The following SLC35F3 variants were observed in gnomAD, a reference collection of about 807,000 sequenced individuals.
SLC35F3 encodes putative thiamine transporter SLC35F3.
In SLC35F3, 25 loss-of-function variants were observed where a neutral mutation model predicts 49.9. The ratio of observed to expected loss-of-function variants is 0.50; its 90% CI spans 0.37 to 0.70. The LOEUF (loss-of-function observed/expected upper bound fraction) is 0.70. Ranked by LOEUF, SLC35F3 falls within the 30% of genes least tolerant of loss-of-function variation. SLC35F3 has a pLI of 0.00. For synonymous variants in SLC35F3, 275 were observed against 265.4 expected (o/e 1.04, Z -0.35); for missense variants, 525 against 639.8 (o/e 0.82, Z 1.94).
chr1:234,272,746 C>G (rs1668127961), intron 3 of SLC35F3, among the ~76,000 whole-genome samples: 1 of 152,208 alleles, frequency 6.6e-6, no homozygotes, highest in African/African-American at 2.4e-5. Flanking sequence ...AGTGACCACT[C>G]CCATATAGAC....
chr1:234,305,383 CTTTTT>C (rs60208203), intron 3 of SLC35F3, among the ~76,000 whole-genome samples: 15 of 124,260 alleles, frequency 1.2e-4, no homozygotes, highest in Non-Finnish European at 1.2e-4. Context: ...AGCAGTATTG[CTTTTT>C]TTTTTTTTTT....
intron 2 of SLC35F3, among the ~76,000 whole-genome samples, chr1:234,088,017 A>G (rs755749433): frequency 2.3e-4 from 35 of 152,064 alleles, no homozygotes; most frequent in Non-Finnish European, 5.9e-5. Flanking sequence ...ATATTCTTCT[A>G]TATTTACTTC....
rs112406043 is a variant in SLC35F3, at chr1:234,028,541, A to G, written c.283+122783A>G. Among the ~76,000 whole-genome samples the G allele has an allele frequency of 6.0e-3, 917 of 152,294 alleles. 9 individuals carry two copies. Among genetic ancestry groups the G allele is most frequent in the African/African-American group, 0.021 (869 of 41,558 alleles). On this transcript the variant is annotated intron_variant, in intron 2 of 7. Coordinates refer to ENST00000366618, the MANE Select transcript of SLC35F3 (RefSeq NM_173508.4). Reference sequence around the variant, plus strand: ...TGCTGTCCTGGTGTTCTGTGGAGGTAGGCTGGAGACTGGGGCAAGCATAGC... The same window carrying G: ...TGCTGTCCTGGTGTTCTGTGGAGGTGGGCTGGAGACTGGGGCAAGCATAGC...
chr1:233,919,841 T>A (rs1440267493), intron 2 of SLC35F3, among the ~76,000 whole-genome samples: 1 of 152,126 alleles, frequency 6.6e-6, no homozygotes, highest in African/African-American at 2.4e-5. Context: ...TGGAGGAAGT[T>A]GCTGTATCAC....
At position 234,318,757 on chromosome 1, in the gene SLC35F3, T is replaced by G. The variant is rs753406935; in HGVS notation, c.961T>G (p.Phe321Val). The change falls in exon 6 of 8, where the codon TTC becomes GTC. Residue 321 changes from phenylalanine to valine, a missense_variant. By Grantham distance (50) the Phe-to-Val change is conservative (BLOSUM62 -1). Transcript: ENST00000366618. ...CCTCTGCTTTCTCCTACAGGTTTTG[T>G]TCAAGCTCCTCCTGGGCAGTGCTAA... Reference protein sequence around the residue: ...ASMSALYKVLFKLLLGSAKFG... With the variant: ...ASMSALYKVLVKLLLGSAKFG... The G allele has an allele frequency of 1.2e-6, 2 of 1,613,720 alleles. No homozygotes were observed. Among genetic ancestry groups the G allele is most frequent in the Non-Finnish European group, 1.7e-6 (2 of 1,179,812 alleles).
intron 2 of SLC35F3, among the ~76,000 whole-genome samples, chr1:233,949,980 A>G (rs1558186993): frequency 6.6e-6 from 1 of 152,122 alleles, no homozygotes; most frequent in Non-Finnish European, 1.5e-5. Flanking sequence ...CTGGTGGGGA[A>G]CAGCCTATTT....
intron 2 of SLC35F3, among the ~76,000 whole-genome samples, chr1:233,918,774 CTCTT>C (rs1662011312): frequency 7.9e-6 from 1 of 125,986 alleles, no homozygotes; most frequent in African/African-American, 2.7e-5. Context: ...CTCTCTCTCT[CTCTT>C]TCTCTCTCTC....
At chr1:234,187,497 A>T (rs544729848) in intron 2 of SLC35F3, among the ~76,000 whole-genome samples, 30 of 152,348 alleles carry the variant, frequency 2.0e-4, no homozygotes, top group African/African-American at 7.2e-4. Context: ...TACTGCAGGA[A>T]TATACCAGGA....
At chr1:233,971,704 C>A (rs1227688735) in intron 2 of SLC35F3, among the ~76,000 whole-genome samples, 1 of 129,438 alleles carries the variant, frequency 7.7e-6, no homozygotes, top group African/African-American at 3.1e-5. Context: ...GGTGACAGAG[C>A]GAGACTCCGA....
At chr1:234,157,523 T>G (rs895937760) in intron 2 of SLC35F3, among the ~76,000 whole-genome samples, 4 of 152,222 alleles carry the variant, frequency 2.6e-5, no homozygotes, top group African/African-American at 9.7e-5. Flanking sequence ...CCCAATTTTA[T>G]TGAGTTAATT....
chr1:233,982,177 G>A (rs1433131364), intron 2 of SLC35F3, among the ~76,000 whole-genome samples: 4 of 152,250 alleles, frequency 2.6e-5, no homozygotes, highest in East Asian at 1.9e-4. Flanking sequence ...TGCCCGCCTC[G>A]GCCTTCCAAA....
At chr1:234,246,631 G>A (rs10910394) in intron 3 of SLC35F3, among the ~76,000 whole-genome samples, 26,582 of 152,082 alleles carry the variant, frequency 0.17, 2,550 homozygotes, top group African/African-American at 0.21. Flanking sequence ...TGCAAATAGT[G>A]CCCAAGAAGT....
chr1:234,321,968 C>T (rs911702164), intron 7 of SLC35F3, among the ~76,000 whole-genome samples: 8 of 151,956 alleles, frequency 5.3e-5, no homozygotes, highest in Non-Finnish European at 1.0e-4. Flanking sequence ...ATCGCTTGAG[C>T]CCAGGAGTTC....
At chr1:234,110,055 G>A (rs76168449) in intron 2 of SLC35F3, among the ~76,000 whole-genome samples, 3,755 of 152,236 alleles carry the variant, frequency 0.025, 64 homozygotes, top group Non-Finnish European at 0.039. Context: ...GATGGAAAGC[G>A]AAGGACAGGT....
intron 2 of SLC35F3, among the ~76,000 whole-genome samples, chr1:233,977,479 G>C (rs1663110078): frequency 6.6e-6 from 1 of 152,170 alleles, no homozygotes; most frequent in Non-Finnish European, 1.5e-5. Context: ...GGTATCATCT[G>C]ATAGAGTTAG....
chr1:234,174,028 C>T (rs1666440213), intron 2 of SLC35F3, among the ~76,000 whole-genome samples: 1 of 152,200 alleles, frequency 6.6e-6, no homozygotes, highest in Non-Finnish European at 1.5e-5. Context: ...CTTCCAGGCC[C>T]CACTCACCCC....
At chr1:234,284,480 A>G (rs1320691653) in intron 3 of SLC35F3, among the ~76,000 whole-genome samples, 1 of 152,124 alleles carries the variant, frequency 6.6e-6, no homozygotes, top group Non-Finnish European at 1.5e-5. Context: ...TGGAACTATC[A>G]GTTTGGTTTC....
chr1:234,214,082 T>C lies in SLC35F3; in HGVS notation c.284-17335T>C, dbSNP rs1346520669. The C allele has an allele frequency of 2.1e-5, 15 of 702,520 alleles. No individual in the cohort carries two copies. Among genetic ancestry groups the C allele is most frequent in the Non-Finnish European group, 2.5e-5 (14 of 566,908 alleles). The allele number at this position is 702,520 out of a possible 1,614,324, so 43.5% of individuals were successfully genotyped here. ...CCTTTTAAAGGGCTTCTCAGAGAGG[T>C]GGTGGCCAGAGGCTGCAGTCAGGAC... On this transcript the variant is annotated intron_variant, in intron 2 of 7. Transcript: ENST00000366618. The surrounding 1 kb of genome is among the most constrained non-coding windows in gnomAD (Gnocchi z 8.0).
At chr1:234,230,742 G>A (rs1667354328) in intron 2 of SLC35F3, among the ~76,000 whole-genome samples, 1 of 152,216 alleles carries the variant, frequency 6.6e-6, no homozygotes, top group Admixed American at 6.5e-5. Context: ...AGCTGCCAGA[G>A]GTTGTGGTTT....
Sources: allele counts gnomAD v4.1 joint callset (sites outside exome capture counted in the v4.1 genomes callset), GRCh38; gene constraint gnomAD v4.1.1; non-coding constraint Gnocchi (gnomAD v3.1); transcripts MANE v1.5; gene names NCBI Gene and HGNC (gene_info 2026-07-23, HGNC 2026-07-21).